Variants in BAP1 observed in about 807,000 individuals in gnomAD.
BAP1 encodes the protein BRCA1 associated deubiquitinase 1.
In BAP1, 16 loss-of-function variants were observed where a neutral mutation model predicts 77.2. The ratio of observed to expected loss-of-function variants is 0.21; its 90% confidence interval spans 0.14 to 0.31. The LOEUF is 0.31. Ranked by LOEUF, BAP1 falls within the 10% of genes least tolerant of loss-of-function variation. The pLI is 1.00. For missense variants in BAP1, 699 were observed against 967.3 expected (o/e 0.72, Z 3.68); for synonymous variants, 362 against 385.2 (o/e 0.94, Z 0.71).
chr3:52,404,893 A>G (rs940060098), intron 11 of BAP1, among the ~76,000 whole-genome samples: 2 of 152,232 alleles, frequency 1.3e-5, no homozygotes, highest in Non-Finnish European at 2.9e-5. Flanking sequence ...ACAGCCACGT[A>G]ACTAGATTAA....
chr3:52,401,953 A>C lies in BAP1; in HGVS notation c.*335T>G, dbSNP rs905564082. 6.7e-6 allele frequency: 3 copies of C among 448,498 alleles called. No homozygotes were observed. The highest frequency in any genetic ancestry group is 3.9e-5 in the African/African-American group (2 of 51,614). 27.8% of individuals were successfully genotyped at this position (448,498 alleles called of 1,614,324 possible). On this transcript the variant is annotated 3_prime_UTR_variant, in exon 17 of 17. Coordinates refer to ENST00000460680, the MANE Select transcript of BAP1 (RefSeq NM_004656.4). ...ATGGTGGCATGTTGGGTTGGAGCCCAGAAAAATAGATGTCTCTGATAGGTA... is the reference window on the plus strand; with the variant it reads ...ATGGTGGCATGTTGGGTTGGAGCCCCGAAAAATAGATGTCTCTGATAGGTA...
chr3:52,406,489 G>A lies in BAP1; in HGVS notation c.660-113C>T. The A allele has an allele frequency of 6.6e-7, 1 of 1,516,406 alleles. No individual in the cohort carries two copies. The highest frequency in any genetic ancestry group is 8.9e-7 in the Non-Finnish European group (1 of 1,118,578). The allele number at this position is 1,516,406 out of a possible 1,614,324, so 93.9% of individuals were successfully genotyped here. A position where few individuals can be genotyped will look rare whatever the true frequency, so the allele number is the denominator to read the frequency against. ...GTCACACCTGCAGCTGTAGGTATAG[G>A]CCCCACCCCAACAGGCAGGCAGCGA... On this transcript the variant is annotated intron_variant, in intron 8 of 16. Coordinates refer to ENST00000460680, the MANE Select transcript of BAP1 (RefSeq NM_004656.4). The surrounding 1 kb of genome is among the most constrained non-coding windows in gnomAD (Gnocchi z 4.6).
In BAP1 at chr3:52,406,228, G is replaced by C. The variant is rs756448625; in HGVS notation, c.783+25C>G. ...AATGCAGGGAGGGTTGGGCTGGGCA[G>C]AGGCCAGGAAGAAAGGGCACCTACC... On this transcript the variant is annotated intron_variant, in intron 9 of 16. Coordinates refer to ENST00000460680, the MANE Select transcript of BAP1 (RefSeq NM_004656.4). This position sits in a 1 kb window ranked among gnomAD's most constrained non-coding sequence, Gnocchi z 4.6. 6.2e-7 allele frequency: 1 copy of C among 1,614,026 alleles called. No homozygotes were observed.
At chr3:52,405,074 C>T (rs777205564) in intron 11 of BAP1, 36 bp downstream of exon 11, 23 of 1,612,214 alleles carry the variant, frequency 1.4e-5, no homozygotes, top group Middle Eastern at 1.6e-4. Context: ...TCAAGAGAAT[C>T]AAGTAGAGAA....
intron 1 of BAP1, 49 bp downstream of exon 1, chr3:52,409,793 G>A: frequency 6.2e-7 from 1 of 1,612,928 alleles, no homozygotes; most frequent in Non-Finnish European, 8.5e-7. Flanking sequence ...GGCGCGTCCC[G>A]GGCCCATCCG....
At position 52,406,980 on chromosome 3, in the gene BAP1, GAC is replaced by G. The variant is rs1258709681; in HGVS notation, c.581-75_581-74del. 1 of 1,513,460 alleles carries G rather than the reference GAC, an allele frequency of 6.6e-7. No homozygotes were observed. The highest frequency in any genetic ancestry group is 9.0e-7 in the Non-Finnish European group (1 of 1,111,306). 93.8% of individuals were successfully genotyped at this position (1,513,460 alleles called of 1,614,324 possible). Reference sequence around the variant, plus strand: ...TGGGCAGGCCAGGAGTGGGAAGGAAGACAGAGAAGAGCAGTTGAGCCAGGGAA... The same window carrying G: ...TGGGCAGGCCAGGAGTGGGAAGGAAGAGAGAAGAGCAGTTGAGCCAGGGAA... On this transcript the variant is annotated intron_variant, in intron 7 of 16. Coordinates refer to ENST00000460680, the MANE Select transcript of BAP1 (RefSeq NM_004656.4). This position sits in a 1 kb window ranked among gnomAD's most constrained non-coding sequence, Gnocchi z 4.6.
Position 52,407,954 on chromosome 3 carries a change from C to T in BAP1, c.375+4G>A, listed in dbSNP as rs371114912. 6 of 1,613,478 alleles carry T rather than the reference C, an allele frequency of 3.7e-6. No individual in the cohort carries two copies. Among genetic ancestry groups the T allele is most frequent in the Non-Finnish European group, 5.1e-6 (6 of 1,179,988 alleles). ...TGAGCCAGGATGAAGGCACTGCAGC[C>T]TACCTCAGGGCTGAAACCCTTGGTG... On this transcript the variant is annotated splice_donor_region_variant and intron_variant, in intron 5 of 16. Coordinates refer to ENST00000460680, the MANE Select transcript of BAP1 (RefSeq NM_004656.4).
intron 5 of BAP1, 80 bp downstream of exon 5, chr3:52,407,878 A>T (rs1705215909): frequency 1.3e-6 from 2 of 1,596,336 alleles, no homozygotes; most frequent in East Asian, 2.2e-5. Context: ...ACCCAATATC[A>T]TGTGGTAGCA....
Position 52,403,792 on chromosome 3 carries a change from C to A in BAP1, c.1353G>T (p.Lys451Asn). 6.2e-7 allele frequency: 1 copy of A among 1,614,108 alleles called. No individual in the cohort carries two copies. Among genetic ancestry groups the A allele is most frequent in the Middle Eastern group, 1.6e-4 (1 of 6,062 alleles). Residue 451 changes from lysine (K) to asparagine (N), a missense_variant, in exon 13 of 17, where the codon AAG becomes AAT. Physicochemically the swap from Lys to Asn is moderately conservative, Grantham distance 94. Coordinates refer to ENST00000460680, the MANE Select transcript of BAP1 (RefSeq NM_004656.4). The surrounding 1 kb of genome is among the most constrained non-coding windows in gnomAD (Gnocchi z 4.0). ...QPNTINVLAE[K>N]LKESQKDLSI... is the part of the protein sequence containing the mutation. ...AGAGGTCCTTCTGGGACTCTTTGAGCTTCTCAGCCAAGACGTTGATGGTGT... is the reference window on the plus strand; with the variant it reads ...AGAGGTCCTTCTGGGACTCTTTGAGATTCTCAGCCAAGACGTTGATGGTGT...
rs925289449 is a variant in BAP1 at position 52,401,305 on chromosome 3, C to T, written c.*983G>A. On this transcript the variant is annotated 3_prime_UTR_variant, in exon 17 of 17. Transcript: ENST00000460680. ...AACGGGTTGTCTTGATCCTGCTGTC[C>T]CCCACCCTGAGTGCCTTGCAGAGGC... 1 of 233,446 alleles carries T rather than the reference C, an allele frequency of 4.3e-6. No individual in the cohort carries two copies. 14.5% of individuals were successfully genotyped at this position (233,446 alleles called of 1,614,324 possible). A position where few individuals can be genotyped will look rare whatever the true frequency, so the allele number is the denominator to read the frequency against.
chr3:52,402,282 C>A lies in BAP1; in HGVS notation c.*6G>T. ...GAGTGGGCTGCAGAGTCAGGGCCAG[C>A]AGTCCTCACTGGCGCTTGGCCTTGT... On this transcript the variant is annotated 3_prime_UTR_variant, in exon 17 of 17. Coordinates refer to ENST00000460680, the MANE Select transcript of BAP1 (RefSeq NM_004656.4). This position sits in a 1 kb window ranked among gnomAD's most constrained non-coding sequence, Gnocchi z 5.3. 6.2e-7 allele frequency: 1 copy of A among 1,600,902 alleles called. No individual in the cohort carries two copies. The highest frequency in any genetic ancestry group is 1.7e-5 in the Admixed American group (1 of 57,828).
chr3:52,405,194 A>G lies in BAP1; in HGVS notation c.1032T>C (p.Asn344=), dbSNP rs781024993. The G allele has an allele frequency of 1.9e-6, 3 of 1,614,110 alleles. No homozygotes were observed. The highest frequency in any genetic ancestry group is 2.5e-6 in the Non-Finnish European group (3 of 1,180,030). The part of the protein sequence containing the change: ...LVVKPPGSSL[N]GVHPNPTPIV... ...TGGGAGTGGGGTTGGGGTGAACCCC[A>G]TTGAGGCTGCTGCCTGGAGGCTTCA... is the stretch of plus-strand genomic sequence containing the variant. The change falls in exon 11 of 17, where the codon AAT becomes AAC. Residue 344 remains asparagine (N), a synonymous_variant. Transcript: ENST00000460680.
At chr3:52,408,387 C>T (rs1705232111) in intron 4 of BAP1, 87 bp downstream of exon 4, 1 of 1,552,764 alleles carries the variant, frequency 6.4e-7, no homozygotes, top group Non-Finnish European at 8.7e-7. Flanking sequence ...CTGCCTATCT[C>T]CTCCTCCTGT....
chr3:52,406,971 G>A lies in BAP1; in HGVS notation c.581-64C>T, dbSNP rs1425035828. The A allele has an allele frequency of 1.3e-6, 2 of 1,528,326 alleles. No individual in the cohort carries two copies. The highest frequency in any genetic ancestry group is 1.8e-6 in the Non-Finnish European group (2 of 1,124,696). The allele number at this position is 1,528,326 out of a possible 1,614,324, so 94.7% of individuals were successfully genotyped here. ...CCCTGAGTTTGGGCAGGCCAGGAGT[G>A]GGAAGGAAGACAGAGAAGAGCAGTT... On this transcript the variant is annotated intron_variant, in intron 7 of 16. Transcript: ENST00000460680. The surrounding 1 kb of genome is among the most constrained non-coding windows in gnomAD (Gnocchi z 4.6).
At chr3:52,404,153 G>A (rs564535142) in intron 12 of BAP1, among the ~76,000 whole-genome samples, 1 of 152,294 alleles carries the variant, frequency 6.6e-6, no homozygotes, top group South Asian at 2.1e-4. Context: ...TTCCAGCAAA[G>A]CTGCCTCCCC....
chr3:52,402,970 G>A lies in BAP1; in HGVS notation c.1891-99C>T. 1 of 1,602,526 alleles carries A rather than the reference G, an allele frequency of 6.2e-7. No homozygotes were observed. The highest frequency in any genetic ancestry group is 8.5e-7 in the Non-Finnish European group (1 of 1,178,512). ...AGGCAAGGATGAGCAGCGAGTCCAT[G>A]CCTATCAAGGCCCCTGCCACCACCC... On this transcript the variant is annotated intron_variant, in intron 14 of 16. Coordinates refer to ENST00000460680, the MANE Select transcript of BAP1 (RefSeq NM_004656.4). This position sits in a 1 kb window ranked among gnomAD's most constrained non-coding sequence, Gnocchi z 5.3.
chr3:52,405,401 G>C (rs1705118892), intron 10 of BAP1, 107 bp from the exon 11 acceptor site: 1 of 1,259,512 alleles, frequency 7.9e-7, no homozygotes, highest in East Asian at 3.2e-5. Flanking sequence ...GAACAGCCCA[G>C]CCAGCTGGTG....
Position 52,406,454 on chromosome 3 carries a change from G to C in BAP1, c.660-78C>G, listed in dbSNP as rs1705162873. 3.8e-6 allele frequency: 6 copies of C among 1,596,252 alleles called. No homozygotes were observed. The highest frequency in any genetic ancestry group is 5.1e-6 in the Non-Finnish European group (6 of 1,176,652). On this transcript the variant is annotated intron_variant, in intron 8 of 16. Coordinates refer to ENST00000460680, the MANE Select transcript of BAP1 (RefSeq NM_004656.4). The surrounding 1 kb of genome is among the most constrained non-coding windows in gnomAD (Gnocchi z 4.6). Reference sequence around the variant, plus strand: ...AGGTTGAGGCAGATATCCTGGCAGGGCTCCCTGCAGTCACACCTGCAGCTG... The same window carrying C: ...AGGTTGAGGCAGATATCCTGGCAGGCCTCCCTGCAGTCACACCTGCAGCTG...
Position 52,403,809 on chromosome 3 carries a change from T to C in BAP1, c.1336A>G (p.Asn446Asp), listed in dbSNP as rs1361354120. ...TCTTTGAGCTTCTCAGCCAAGACGTTGATGGTGTTGGGCTGCAGCACTGAC... is the reference window on the plus strand; with the variant it reads ...TCTTTGAGCTTCTCAGCCAAGACGTCGATGGTGTTGGGCTGCAGCACTGAC... The part of the protein sequence containing the change: ...QLSVLQPNTI[N>D]VLAEKLKESQ... Residue 446 changes from asparagine to aspartate, a missense_variant, in exon 13 of 17, where the codon AAC (asparagine) becomes GAC (aspartate). Physicochemically the swap from Asn to Asp is conservative, Grantham distance 23. This residue lies in a region of BAP1 where 475 missense variants were observed against 532.4 expected (regional missense o/e 0.89). Transcript: ENST00000460680. This position sits in a 1 kb window ranked among gnomAD's most constrained non-coding sequence, Gnocchi z 4.0. 6.2e-7 allele frequency: 1 copy of C among 1,614,122 alleles called. No individual in the cohort carries two copies. The highest frequency in any genetic ancestry group is 1.1e-5 in the South Asian group (1 of 91,078).
Sources: gnomAD v4.1 joint callset for allele counts (sites outside exome capture counted in the v4.1 genomes callset) on GRCh38, gnomAD v4.1.1 for gene constraint, gnomAD v4.1.1 regional missense constraint, Gnocchi (gnomAD v3.1) non-coding constraint, MANE v1.5 for transcripts, NCBI Gene and HGNC (gene_info 2026-07-23, HGNC 2026-07-21) for gene names.